Variants in ODAD2 observed in about 807,000 individuals in gnomAD.
ODAD2 encodes outer dynein arm-docking complex subunit 2.
In ODAD2, 89 loss-of-function variants were observed where a neutral mutation model predicts 106.8. The ratio of observed to expected loss-of-function variants is 0.83; its 90% CI spans 0.70 to 0.99. The LOEUF is 0.99. Among genes scored for constraint, ODAD2 ranks in the 50% least tolerant of loss-of-function variants. The probability of loss-of-function intolerance (pLI) is 0.00; values close to 1 mark genes in which losing one functional copy is unlikely to be tolerated. For synonymous variants in ODAD2, 404 were observed against 436.2 expected, an observed-to-expected ratio of 0.93 and a Z score of 0.92; for missense variants, 1,168 against 1,238.5, an observed-to-expected ratio of 0.94 and a Z score of 0.85.
rs528789542 is a variant in ODAD2 at position 27,915,302 on chromosome 10, T to A, written c.2496-7525A>T. 2.0e-5 allele frequency among the ~76,000 whole-genome samples: 3 copies of A among 152,226 alleles called. 1 individual carries two copies. The Middle Eastern group carries it at 0.01, about 518-fold the overall frequency. On this transcript the variant is annotated intron_variant, in intron 16 of 19. Coordinates refer to ENST00000305242, the MANE Select transcript of ODAD2 (RefSeq NM_018076.5). Reference sequence around the variant, plus strand: ...CTTGTAAACAACACACATTTATTTCTCACAGTTCTGGAGGCTGGGAAGTCA... The same window carrying A: ...CTTGTAAACAACACACATTTATTTCACACAGTTCTGGAGGCTGGGAAGTCA...
intron 7 of ODAD2, among the ~76,000 whole-genome samples, chr10:27,979,558 G>C (rs999661777): frequency 6.6e-6 from 1 of 151,606 alleles, no homozygotes; most frequent in Non-Finnish European, 1.5e-5. Flanking sequence ...CTCAAAAGCT[G>C]TATTTCTATA....
At chr10:27,982,163 A>AAT (rs33935473) in intron 6 of ODAD2, among the ~76,000 whole-genome samples, 35,666 of 151,260 alleles carry the variant, frequency 0.24, 4,287 homozygotes, top group Middle Eastern at 0.3. Context: ...TCCATAACAG[A>AAT]ATATATATAT....
At chr10:27,834,438 A>G (rs1837711018) in intron 19 of ODAD2, among the ~76,000 whole-genome samples, 1 of 152,104 alleles carries the variant, frequency 6.6e-6, no homozygotes, top group Non-Finnish European at 1.5e-5. Flanking sequence ...CTCACTTCCC[A>G]TTGGTGATAA....
At chr10:27,904,208 T>C in intron 17 of ODAD2, 1 of 339,536 alleles carries the variant, frequency 2.9e-6, no homozygotes, top group South Asian at 2.8e-5. Flanking sequence ...GCTCCTGCAA[T>C]GTGGTGCACA....
chr10:27,920,052 A>T (rs1490823589), intron 16 of ODAD2, among the ~76,000 whole-genome samples: 1 of 151,964 alleles, frequency 6.6e-6, no homozygotes, highest in African/African-American at 2.4e-5. Flanking sequence ...CTCAAGTATA[A>T]AATTATGAAA....
chr10:27,935,079 A>T lies in ODAD2; in HGVS notation c.2426T>A (p.Ile809Lys), dbSNP rs777719165. The change falls in exon 16 of 20, where the codon ATA becomes AAA. Residue 809 changes from isoleucine to lysine, a missense_variant. By Grantham distance (102) the Ile-to-Lys change is moderately radical. Around this residue, in one of 3 missense-constraint regions of ODAD2, gnomAD observed 701 missense variants for 712.3 expected, o/e 0.98. Coordinates refer to ENST00000305242, the MANE Select transcript of ODAD2 (RefSeq NM_018076.5). ...IQPLVNLLVG[I>K]NQALLVNVTK... ...AACATTCACAAGAAGAGCTTGGTTT[A>T]TTCCAACAAGGAGGTTCACAAGTGG... 1 of 1,613,996 alleles carries T rather than the reference A, an allele frequency of 6.2e-7. No individual in the cohort carries two copies. Among genetic ancestry groups the T allele is most frequent in the South Asian group, 1.1e-5 (1 of 91,074 alleles).
chr10:27,967,063 T>A (rs2132927817), intron 9 of ODAD2, among the ~76,000 whole-genome samples: 1 of 150,478 alleles, frequency 6.6e-6, no homozygotes, highest in South Asian at 2.2e-4. Context: ...AAAAAGGACC[T>A]AAGAAAGTCC....
intron 17 of ODAD2, among the ~76,000 whole-genome samples, chr10:27,865,737 C>G (rs533775966): frequency 6.6e-6 from 1 of 152,160 alleles, no homozygotes; most frequent in African/African-American, 2.4e-5. Context: ...AAACTCATAG[C>G]CTTAAAAGAA....
chr10:27,877,642 A>G (rs1841433913), intron 17 of ODAD2, among the ~76,000 whole-genome samples: 1 of 152,158 alleles, frequency 6.6e-6, no homozygotes, highest in African/African-American at 2.4e-5. Context: ...TTCTGCCAAA[A>G]CTGTCTTTCA....
At chr10:27,920,963 T>C (rs1324241748) in intron 16 of ODAD2, among the ~76,000 whole-genome samples, 1 of 152,172 alleles carries the variant, frequency 6.6e-6, no homozygotes, top group African/African-American at 2.4e-5. Flanking sequence ...TCTATCCTTG[T>C]GTATGTGAAA....
At chr10:27,841,494 C>T (rs1242051706) in intron 19 of ODAD2, among the ~76,000 whole-genome samples, 1 of 151,970 alleles carries the variant, frequency 6.6e-6, no homozygotes, top group African/African-American at 2.4e-5. Context: ...CTCCCAGGTT[C>T]AAGCAATTCT....
chr10:27,821,759 T>C (rs1326581765), intron 19 of ODAD2, among the ~76,000 whole-genome samples: 1 of 152,214 alleles, frequency 6.6e-6, no homozygotes, highest in Non-Finnish European at 1.5e-5. Flanking sequence ...ATACACTTTT[T>C]TGGTATCTAT....
intron 18 of ODAD2, among the ~76,000 whole-genome samples, chr10:27,861,611 G>T (rs1840045160): frequency 6.6e-6 from 1 of 152,220 alleles, no homozygotes. Flanking sequence ...GGTTGCCTTG[G>T]CTCCTGAGAG....
rs758823185 is a variant in ODAD2, at chr10:27,985,125, T to C, written c.469A>G (p.Ile157Val). Residue 157 changes from isoleucine (I) to valine (V), a missense_variant, in exon 4 of 20, where the codon ATT becomes GTT. By Grantham distance (29) the Ile-to-Val change is conservative. Transcript: ENST00000305242. Reference protein sequence around the residue: ...NSIALNILGKITRDDDPESEI... With the variant: ...NSIALNILGKVTRDDDPESEI... ...CTTTCAGGATCATCATCTCTGGTAA[T>C]TTTGCCAAGAATATTTAATGCAATT... 1 of 1,600,620 alleles carries C rather than the reference T, an allele frequency of 6.2e-7. No homozygotes were observed. Among genetic ancestry groups the C allele is most frequent in the South Asian group, 1.1e-5 (1 of 89,484 alleles).
At chr10:27,967,624 C>A (rs1450955726) in intron 9 of ODAD2, among the ~76,000 whole-genome samples, 1 of 152,016 alleles carries the variant, frequency 6.6e-6, no homozygotes, top group Non-Finnish European at 1.5e-5. Flanking sequence ...GGTGCAGTGG[C>A]TCACATCTGT....
At chr10:27,924,008 A>AAGAAAGAAAGAAAGAAAGAAAGGG (rs1564509255) in intron 16 of ODAD2, among the ~76,000 whole-genome samples, 1 of 104,188 alleles carries the variant, frequency 9.6e-6, no homozygotes, top group African/African-American at 4.1e-5. Flanking sequence ...GAAAGAAAGA[A>AAGAAAGAAAGAAAGAAAGAAAGGG]AGAAAGAAAG....
chr10:27,859,937 T>C (rs896825837), intron 19 of ODAD2, among the ~76,000 whole-genome samples: 4 of 152,184 alleles, frequency 2.6e-5, no homozygotes, highest in African/African-American at 9.6e-5. Flanking sequence ...GCCAGTTCCT[T>C]TGGTGTTTAG....
In ODAD2 at chr10:27,983,995, A is replaced by T. The variant is rs1478980853; in HGVS notation, c.683-16T>A. 6.2e-7 allele frequency: 1 copy of T among 1,604,722 alleles called. No individual in the cohort carries two copies. Among genetic ancestry groups the T allele is most frequent in the Admixed American group, 1.8e-5 (1 of 56,658 alleles). On this transcript the variant is annotated splice_polypyrimidine_tract_variant and intron_variant, in intron 5 of 19. Coordinates refer to ENST00000305242, the MANE Select transcript of ODAD2 (RefSeq NM_018076.5). ...AATTCATAATCTGAAACCAATCATCAAGCAATTAACAGGAGTTCCTTAACC... is the reference window on the plus strand; with the variant it reads ...AATTCATAATCTGAAACCAATCATCTAGCAATTAACAGGAGTTCCTTAACC...
chr10:27,908,512 C>G (rs6481490), intron 16 of ODAD2, among the ~76,000 whole-genome samples: 86,584 of 151,914 alleles, frequency 0.57, 24,977 homozygotes, highest in Middle Eastern at 0.66. Flanking sequence ...GAGAAGAAGG[C>G]CAAACAAAAC....
Sources: gnomAD v4.1 joint callset for allele counts (sites outside exome capture counted in the v4.1 genomes callset) on GRCh38, gnomAD v4.1.1 for gene constraint, gnomAD v4.1.1 regional missense constraint, MANE v1.5 for transcripts, NCBI Gene and HGNC (gene_info 2026-07-23, HGNC 2026-07-21) for gene names.